Variants in CCDC171 observed in about 807,000 individuals in gnomAD.
CCDC171 encodes the protein coiled-coil domain-containing protein 171.
In CCDC171, 177 loss-of-function variants were observed where a neutral mutation model predicts 168.2. That is an observed-to-expected ratio of 1.05 (90% CI 0.93 to 1.19). The LOEUF (loss-of-function observed/expected upper bound fraction) is 1.19, where lower values mean the gene tolerates loss of function less well. Among genes scored for constraint, CCDC171 ranks in the 50% most tolerant of loss-of-function variants. The pLI is 0.00. For missense variants in CCDC171, 1,991 were observed against 1,539.0 expected, an observed-to-expected ratio of 1.29 and a Z score of -4.91; for synonymous variants, 687 against 540.8, an observed-to-expected ratio of 1.27 and a Z score of -3.75.
At chr9:15,785,938 A>G (rs1180545836) in intron 21 of CCDC171, among the ~76,000 whole-genome samples, 1 of 151,912 alleles carries the variant, frequency 6.6e-6, no homozygotes, top group Admixed American at 6.6e-5. Context: ...TGCCCAGGGT[A>G]TCCTGTAAAT....
At chr9:16,015,875 C>G (rs939516139) in intron 3 of CCDC171, among the ~76,000 whole-genome samples, 1 of 152,130 alleles carries the variant, frequency 6.6e-6, no homozygotes, top group Non-Finnish European at 1.5e-5. Flanking sequence ...AGTGTTTATT[C>G]TTTTATGTCT....
At chr9:15,905,102 A>G (rs930701885) in intron 24 of CCDC171, among the ~76,000 whole-genome samples, 1 of 152,252 alleles carries the variant, frequency 6.6e-6, no homozygotes, top group African/African-American at 2.4e-5. Flanking sequence ...TGTCAACATT[A>G]GACAGATCAA....
At position 15,924,120 on chromosome 9, in the gene CCDC171, TCTTCTAA is replaced by T. The variant is rs1161512011; in HGVS notation, c.3753+3699_3753+3705del. Among the ~76,000 whole-genome samples, 5 of 151,552 alleles carry T rather than the reference TCTTCTAA, an allele frequency of 3.3e-5. No individual in the cohort carries two copies. In the East Asian group the frequency reaches 5.8e-4, roughly 18 times the overall value. On this transcript the variant is annotated intron_variant, in intron 25 of 25. Transcript: ENST00000380701. Reference sequence around the variant, plus strand: ...TTTATATATTTCAAAGAAGGGAAAATCTTCTAAAGAAGCTCCAAACAGATTTCTGCTT... The same window carrying T: ...TTTATATATTTCAAAGAAGGGAAAATAGAAGCTCCAAACAGATTTCTGCTT...
intron 7 of CCDC171, 101 bp from the exon 8 acceptor site, chr9:15,657,026 G>A: frequency 4.0e-6 from 2 of 504,554 alleles, no homozygotes; most frequent in Admixed American, 3.8e-5. Context: ...GAGGCTGCAA[G>A]TCCACTAATC....
chr9:15,908,585 A>C (rs1222654891), intron 24 of CCDC171, among the ~76,000 whole-genome samples: 1 of 152,230 alleles, frequency 6.6e-6, no homozygotes, highest in Non-Finnish European at 1.5e-5. Flanking sequence ...CAGCACACCT[A>C]CATGGCACAT....
intron 25 of CCDC171, among the ~76,000 whole-genome samples, chr9:15,953,938 C>G (rs567465911): frequency 2.0e-5 from 3 of 151,902 alleles, no homozygotes; most frequent in Admixed American, 6.6e-5. Context: ...TCTGTTTCAT[C>G]GAGGGCATTC....
chr9:15,598,151 A>C (rs1356796876), intron 6 of CCDC171, among the ~76,000 whole-genome samples: 1 of 151,666 alleles, frequency 6.6e-6, no homozygotes, highest in East Asian at 1.9e-4. Context: ...TATTTCCTTC[A>C]GTTCTCTTCT....
At chr9:15,650,071 A>C (rs1421554211) in intron 7 of CCDC171, among the ~76,000 whole-genome samples, 2 of 152,202 alleles carry the variant, frequency 1.3e-5, no homozygotes, top group Non-Finnish European at 2.9e-5. Flanking sequence ...ATGCAGCCAT[A>C]AAAAAGGATG....
intron 25 of CCDC171, among the ~76,000 whole-genome samples, chr9:15,955,534 C>CA (rs1387488247): frequency 6.6e-6 from 1 of 152,132 alleles, no homozygotes; most frequent in African/African-American, 2.4e-5. Context: ...ATGTGTCTGT[C>CA]ATGGGGCTGG....
intron 1 of CCDC171, among the ~76,000 whole-genome samples, chr9:15,554,622 G>A (rs12685082): frequency 0.044 from 6,712 of 152,182 alleles, 329 homozygotes; most frequent in South Asian, 0.12. Flanking sequence ...CGTTTTGGTT[G>A]TCTCAGTCCC....
At chr9:15,806,493 A>G (rs962312182) in intron 21 of CCDC171, among the ~76,000 whole-genome samples, 45 of 152,098 alleles carry the variant, frequency 3.0e-4, no homozygotes, top group Non-Finnish European at 3.4e-4. Flanking sequence ...TCGCTTATGA[A>G]GCATAGTTTG....
intron 3 of CCDC171, among the ~76,000 whole-genome samples, chr9:16,003,145 A>G (rs1197168445): frequency 6.6e-6 from 1 of 152,228 alleles, no homozygotes; most frequent in East Asian, 1.9e-4. Context: ...AAAATCAAAA[A>G]GAAAACATCC....
chr9:15,701,032 C>T (rs1364147677), intron 11 of CCDC171, among the ~76,000 whole-genome samples: 1 of 151,982 alleles, frequency 6.6e-6, no homozygotes, highest in Non-Finnish European at 1.5e-5. Flanking sequence ...ATTAGTATGT[C>T]TTCTTTTGAG....
intron 24 of CCDC171, among the ~76,000 whole-genome samples, chr9:15,895,133 CTG>C (rs1820742640): frequency 6.6e-6 from 1 of 152,132 alleles, no homozygotes; most frequent in Non-Finnish European, 1.5e-5. Context: ...TTTATGAACT[CTG>C]AGCCTTGGGA....
At chr9:16,055,219 T>C (rs1487602381) in intron 1 of CCDC171, among the ~76,000 whole-genome samples, 3 of 152,068 alleles carry the variant, frequency 2.0e-5, no homozygotes, top group Non-Finnish European at 2.9e-5. Flanking sequence ...CTTTGTTCGT[T>C]TATTTGATAG....
chr9:15,618,809 G>C (rs1341640813), intron 6 of CCDC171, among the ~76,000 whole-genome samples: 1 of 151,906 alleles, frequency 6.6e-6, no homozygotes, highest in African/African-American at 2.4e-5. Flanking sequence ...GCCCCACCCT[G>C]CTTCTGCTTG....
At position 15,908,651 on chromosome 9, in the gene CCDC171, T is replaced by TA. The variant is rs1242207894; in HGVS notation, c.3601-11610dup. Among the ~76,000 whole-genome samples, 12 of 150,912 alleles carry TA rather than the reference T, an allele frequency of 8.0e-5. No individual in the cohort carries two copies. In the South Asian group the frequency reaches 8.4e-4, roughly 11 times the overall value. ...CACCTGTACCCTAAAAGTTAAAGTA[T>TA]AAAAAAAAAGAGAAATATCTGAGAC... is the stretch of plus-strand genomic sequence containing the variant. On this transcript the variant is annotated intron_variant, in intron 24 of 25. Coordinates refer to ENST00000380701, the MANE Select transcript of CCDC171 (RefSeq NM_173550.4).
chr9:16,037,336 A>G (rs1258991045), intron 8 of CCDC171, among the ~76,000 whole-genome samples: 6 of 152,262 alleles, frequency 3.9e-5, no homozygotes, highest in Admixed American at 2.6e-4. Context: ...ATGCCATGCA[A>G]TCATGAACCA....
chr9:15,923,343 C>T (rs555737677), intron 25 of CCDC171, among the ~76,000 whole-genome samples: 28 of 151,328 alleles, frequency 1.9e-4, no homozygotes, highest in South Asian at 8.3e-4. Flanking sequence ...GAAATCTTGT[C>T]ATTTACGACA....
Sources: allele counts gnomAD v4.1 joint callset (sites outside exome capture counted in the v4.1 genomes callset), GRCh38; gene constraint gnomAD v4.1.1; transcripts MANE v1.5; gene names NCBI Gene and HGNC (gene_info 2026-07-23, HGNC 2026-07-21).